Variants in AGMO observed in about 807,000 individuals in gnomAD.
The protein encoded by AGMO is glyceryl-ether monooxygenase.
AGMO carries 75 observed loss-of-function variants against 60.2 expected under a neutral mutation model. That is an observed-to-expected ratio of 1.25 (90% confidence interval 1.03 to 1.51). The LOEUF is 1.51. AGMO is among the 40% of genes most tolerant of loss of function. The pLI is 0.00. For synonymous variants in AGMO, 261 were observed against 177.1 expected, an observed-to-expected ratio of 1.47 and a Z score of -3.76; for missense variants, 763 against 525.5, an observed-to-expected ratio of 1.45 and a Z score of -4.42.
chr7:15,487,232 A>C (rs1393363763), intron 3 of AGMO, among the ~76,000 whole-genome samples: 3 of 152,186 alleles, frequency 2.0e-5, no homozygotes, highest in Non-Finnish European at 4.4e-5. Flanking sequence ...TAAAATAGCA[A>C]GATGTAAATG....
intron 12 of AGMO, among the ~76,000 whole-genome samples, chr7:15,348,863 A>G (rs758966375): frequency 2.0e-5 from 3 of 152,068 alleles, no homozygotes; most frequent in Non-Finnish European, 2.9e-5. Context: ...TATTTAGCAA[A>G]CTGAAAAAAA....
At chr7:15,432,326 A>ATG (rs573257537) in intron 3 of AGMO, among the ~76,000 whole-genome samples, 15 of 136,442 alleles carry the variant, frequency 1.1e-4, no homozygotes, top group South Asian at 4.7e-4. Context: ...GTGTGTATAT[A>ATG]TGTATATATA....
chr7:15,337,274 AGAAG>A (rs1208194086), intron 12 of AGMO, among the ~76,000 whole-genome samples: 1 of 152,228 alleles, frequency 6.6e-6, no homozygotes, highest in Non-Finnish European at 1.5e-5. Flanking sequence ...GAAATATGCA[AGAAG>A]GAAGGCCTTA....
intron 3 of AGMO, among the ~76,000 whole-genome samples, chr7:15,456,908 T>C (rs2128507405): frequency 6.6e-6 from 1 of 152,268 alleles, no homozygotes; most frequent in East Asian, 1.9e-4. Context: ...TTGTTGGGGG[T>C]TAATGCCTCT....
At chr7:15,363,085 A>G (rs1360156392) in intron 12 of AGMO, among the ~76,000 whole-genome samples, 1 of 152,222 alleles carries the variant, frequency 6.6e-6, no homozygotes, top group Non-Finnish European at 1.5e-5. Flanking sequence ...CTAGTAAGGC[A>G]TTTAGAACGT....
At chr7:15,333,386 ATAAG>A (rs1248281192) in intron 12 of AGMO, among the ~76,000 whole-genome samples, 3 of 152,152 alleles carry the variant, frequency 2.0e-5, no homozygotes, top group Admixed American at 6.6e-5. Context: ...AGTCCATTTC[ATAAG>A]TAAGAAATAA....
intron 10 of AGMO, among the ~76,000 whole-genome samples, chr7:15,369,579 C>T (rs1465486033): frequency 6.6e-6 from 1 of 151,784 alleles, no homozygotes; most frequent in East Asian, 1.9e-4. Flanking sequence ...AAATACATGT[C>T]CTTGTCCCTC....
chr7:15,313,014 T>C (rs998918247), intron 12 of AGMO, among the ~76,000 whole-genome samples: 1 of 152,042 alleles, frequency 6.6e-6, no homozygotes, highest in African/African-American at 2.4e-5. Flanking sequence ...AGTGATCTAA[T>C]ATACAAGGTC....
chr7:15,382,234 C>G (rs1215603558), intron 10 of AGMO, among the ~76,000 whole-genome samples: 7 of 152,166 alleles, frequency 4.6e-5, no homozygotes, highest in Non-Finnish European at 4.4e-5. Context: ...TAACAACTTT[C>G]TGAAAATCTA....
At chr7:15,450,738 A>G (rs1256863712) in intron 3 of AGMO, among the ~76,000 whole-genome samples, 1 of 152,156 alleles carries the variant, frequency 6.6e-6, no homozygotes, top group African/African-American at 2.4e-5. Context: ...ACAGAAAAAA[A>G]TGCTCATGAA....
intron 12 of AGMO, among the ~76,000 whole-genome samples, chr7:15,202,457 G>GAAAA (rs1563032651): frequency 1.5e-4 from 1 of 6,582 alleles, no homozygotes; most frequent in East Asian, 0.016. Flanking sequence ...ATACAAATGA[G>GAAAA]CAAAAAAAAA....
rs768884011 is a variant in AGMO, at chr7:15,385,482, C to A, written c.1038G>T (p.Met346Ile). The change falls in exon 10 of 13, where the codon ATG becomes ATT. Residue 346 changes from methionine to isoleucine, a missense_variant. Met to Ile is a conservative substitution (Grantham distance 10). Coordinates refer to ENST00000342526, the MANE Select transcript of AGMO (RefSeq NM_001004320.2). ...KIYTVVQFAL[M>I]LAFYEETFAD... ...CAAAGGTCTCTTCATAAAATGCCAA[C>A]ATCAGAGCAAACTGTACAACTGTAT... 3.1e-6 allele frequency: 5 copies of A among 1,611,522 alleles called. No homozygotes were observed. The highest frequency in any genetic ancestry group is 1.3e-5 in the African/African-American group (1 of 74,846).
At chr7:15,164,655 AT>A in the AGMO span, among the ~76,000 whole-genome samples, 2 of 152,002 alleles carry the variant, frequency 1.3e-5, no homozygotes, top group South Asian at 2.1e-4. Context: ...AGAAATGCAA[AT>A]TTTTTTTCAG....
At chr7:15,305,725 T>C (rs531768280) in intron 12 of AGMO, among the ~76,000 whole-genome samples, 4 of 152,116 alleles carry the variant, frequency 2.6e-5, no homozygotes, top group Admixed American at 2.6e-4. Context: ...TATAGTTATA[T>C]AAGCAACTCG....
chr7:15,523,998 A>G (rs1784063371), intron 3 of AGMO, among the ~76,000 whole-genome samples: 1 of 152,176 alleles, frequency 6.6e-6, no homozygotes, highest in Non-Finnish European at 1.5e-5. Flanking sequence ...ACATATAAAA[A>G]TAAAAGTAAA....
chr7:15,406,244 CA>C (rs1784682086), intron 5 of AGMO, among the ~76,000 whole-genome samples: 1 of 149,112 alleles, frequency 6.7e-6, no homozygotes, highest in Non-Finnish European at 1.5e-5. Context: ...CACACACACA[CA>C]CACACACGTA....
intron 12 of AGMO, among the ~76,000 whole-genome samples, chr7:15,356,995 G>T (rs929190032): frequency 6.6e-6 from 1 of 150,610 alleles, no homozygotes; most frequent in African/African-American, 2.4e-5. Context: ...GTGGTGGCAG[G>T]TACCTGTAAT....
At chr7:15,268,784 G>C (rs528364518) in intron 12 of AGMO, among the ~76,000 whole-genome samples, 1 of 152,016 alleles carries the variant, frequency 6.6e-6, no homozygotes, top group African/African-American at 2.4e-5. Context: ...GTAGGCATTT[G>C]GATGAGGCAG....
intron 3 of AGMO, among the ~76,000 whole-genome samples, chr7:15,499,932 C>T (rs200096083): frequency 0.029 from 4,011 of 138,962 alleles, 96 homozygotes; most frequent in Non-Finnish European, 0.045. Context: ...CACACACACA[C>T]ATATATATAT....
Sources: allele counts gnomAD v4.1 joint callset (sites outside exome capture counted in the v4.1 genomes callset), GRCh38; gene constraint gnomAD v4.1.1; transcripts MANE v1.5; gene names NCBI Gene and HGNC (gene_info 2026-07-23, HGNC 2026-07-21).